Variants in MYO9A observed in about 807,000 individuals in gnomAD.
The protein encoded by MYO9A is myosin IXA, also known as unconventional myosin-IXa.
Under a neutral mutation model 293.3 loss-of-function variants are expected in MYO9A, and 103 were observed. The observed-to-expected ratio is 0.35, with a 90% CI of 0.30 to 0.41. MYO9A has a LOEUF of 0.41. MYO9A is among the 10% of genes least tolerant of loss of function. MYO9A has a pLI of 1.00. For synonymous variants in MYO9A, 1,001 were observed against 1,035.7 expected (o/e 0.97, Z 0.64); for missense variants, 2,685 against 3,033.0 (o/e 0.89, Z 2.69).
At chr15:71,867,524 T>C (rs143230069) in intron 32 of MYO9A, among the ~76,000 whole-genome samples, 2,148 of 149,868 alleles carry the variant, frequency 0.014, 30 homozygotes, top group African/African-American at 0.026. Flanking sequence ...ATGTACAGAG[T>C]TGCTACAAAT....
At chr15:71,839,408 T>TTC (rs1479075299) in intron 39 of MYO9A, among the ~76,000 whole-genome samples, 2 of 151,842 alleles carry the variant, frequency 1.3e-5, no homozygotes, top group Non-Finnish European at 2.9e-5. Context: ...GGTTTTTTTT[T>TTC]TCTTTCTTTC....
rs66924608 is a variant in MYO9A, at chr15:71,935,903, TACACAC to T, written c.2379-425_2379-420del. Among the ~76,000 whole-genome samples, 599 of 148,098 alleles carry T rather than the reference TACACAC, an allele frequency of 4.0e-3. 4 individuals are homozygous for T. The highest frequency in any genetic ancestry group is 0.014 in the African/African-American group (551 of 40,308). ...TAATTTCCTCCTGAAAGGTCTTATT[TACACAC>T]ACACACACACACACACACACACTCA... On this transcript the variant is annotated intron_variant, in intron 16 of 41. Transcript: ENST00000356056.
intron 28 of MYO9A, among the ~76,000 whole-genome samples, chr15:71,883,189 G>A (rs1287707242): frequency 1.3e-5 from 2 of 152,110 alleles, no homozygotes; most frequent in African/African-American, 2.4e-5. Context: ...ACTGTTGTGA[G>A]GAGCAACTGA....
intron 12 of MYO9A, among the ~76,000 whole-genome samples, chr15:71,972,616 G>A (rs2076040687): frequency 1.3e-5 from 2 of 152,180 alleles, no homozygotes; most frequent in African/African-American, 4.8e-5. Flanking sequence ...CAAACGTTTG[G>A]TCACAGATGT....
At chr15:71,989,730 A>G (rs989656627) in intron 11 of MYO9A, among the ~76,000 whole-genome samples, 21 of 152,184 alleles carry the variant, frequency 1.4e-4, no homozygotes, top group African/African-American at 5.1e-4. Context: ...CTTTTTAATC[A>G]AAGGTTCATT....
chr15:71,984,068 G>A lies in MYO9A; in HGVS notation c.1723-5776C>T, dbSNP rs554795967. Among the ~76,000 whole-genome samples the A allele has an allele frequency of 6.6e-5, 10 of 152,270 alleles. No individual in the cohort carries two copies. In the South Asian group the frequency reaches 2.1e-3, roughly 32 times the overall value. ...ACTTACGATGATTCAACTTTACAAT[G>A]GGGTGAAACTGTCATAATTTCTGCA... On this transcript the variant is annotated intron_variant, in intron 11 of 41. Coordinates refer to ENST00000356056, the MANE Select transcript of MYO9A (RefSeq NM_006901.4).
At chr15:72,097,604 G>A (rs963512704) in intron 1 of MYO9A, among the ~76,000 whole-genome samples, 1 of 152,136 alleles carries the variant, frequency 6.6e-6, no homozygotes, top group East Asian at 1.9e-4. Context: ...AAGTATGCCT[G>A]TATATAAACT....
At chr15:71,953,106 T>C (rs11072338) in intron 14 of MYO9A, among the ~76,000 whole-genome samples, 32,136 of 152,178 alleles carry the variant, frequency 0.21, 3,681 homozygotes, top group East Asian at 0.41. Flanking sequence ...TAAAATACTA[T>C]ATTATTTGTA....
intron 37 of MYO9A, 88 bp downstream of exon 37, chr15:71,851,165 T>C: frequency 2.0e-6 from 2 of 994,994 alleles, no homozygotes; most frequent in Non-Finnish European, 3.0e-6. Context: ...TAAATACCTG[T>C]CAGTCTTCCA....
intron 32 of MYO9A, among the ~76,000 whole-genome samples, chr15:71,874,457 G>A (rs928413217): frequency 1.3e-5 from 2 of 152,130 alleles, no homozygotes; most frequent in African/African-American, 4.8e-5. Flanking sequence ...ATGAAGCTTA[G>A]AGAGGCAGTC....
intron 4 of MYO9A, among the ~76,000 whole-genome samples, chr15:72,022,452 C>T (rs1426287564): frequency 6.0e-5 from 9 of 150,838 alleles, no homozygotes; most frequent in South Asian, 2.1e-4. Context: ...ACCCAGGAGG[C>T]GGAGGTTGCA....
intron 38 of MYO9A, among the ~76,000 whole-genome samples, chr15:71,849,760 C>T (rs183183931): frequency 7.2e-4 from 109 of 151,776 alleles, no homozygotes; most frequent in African/African-American, 2.6e-3. Context: ...ACTAAGTGTC[C>T]ATAATTTGGT....
rs2076843862 is a variant in MYO9A at position 72,000,877 on chromosome 15, C to T, written c.1381-937G>A. On this transcript the variant is annotated intron_variant, in intron 8 of 41. Transcript: ENST00000356056. ...AATATACCACAGTGTGTAATCCATTCTCCTCTTTGTAGGCATTTACACGAT... is the reference window on the plus strand; with the variant it reads ...AATATACCACAGTGTGTAATCCATTTTCCTCTTTGTAGGCATTTACACGAT... Among the ~76,000 whole-genome samples the T allele has an allele frequency of 1.3e-5, 2 of 152,206 alleles. 1 individual carries two copies. The highest frequency in any genetic ancestry group is 4.1e-4 in the South Asian group (2 of 4,832).
chr15:72,060,674 C>T (rs1367530198), intron 1 of MYO9A, among the ~76,000 whole-genome samples: 1 of 152,138 alleles, frequency 6.6e-6, no homozygotes, highest in Non-Finnish European at 1.5e-5. Flanking sequence ...ATTGTCCATC[C>T]CAGTGGTTGG....
intron 2 of MYO9A, among the ~76,000 whole-genome samples, chr15:72,043,414 T>C (rs2078286119): frequency 6.6e-6 from 1 of 152,148 alleles, no homozygotes; most frequent in Admixed American, 6.6e-5. Flanking sequence ...TTGAATGTAA[T>C]AGCCAAAAAT....
intron 18 of MYO9A, among the ~76,000 whole-genome samples, chr15:71,923,444 T>C (rs1305473168): frequency 6.6e-6 from 1 of 152,230 alleles, no homozygotes; most frequent in Non-Finnish European, 1.5e-5. Flanking sequence ...CTGAGACTCA[T>C]TCTTCTTCAA....
intron 27 of MYO9A, among the ~76,000 whole-genome samples, chr15:71,886,133 T>G (rs757378646): frequency 8.7e-5 from 13 of 148,934 alleles, no homozygotes; most frequent in Non-Finnish European, 1.6e-4. Context: ...GTTTCTTCAA[T>G]ATAAGGTATT....
chr15:71,892,953 C>T, intron 26 of MYO9A: 6 of 1,242,374 alleles, frequency 4.8e-6, no homozygotes, highest in Admixed American at 3.1e-5. Context: ...TCTTATATTG[C>T]TGTAAAATTA....
Position 71,830,122 on chromosome 15 carries a change from G to A in MYO9A, c.7027C>T (p.Leu2343=), listed in dbSNP as rs1391186419. Residue 2343 remains leucine, a synonymous_variant, in exon 40 of 42, where the codon CTA becomes TTA. Coordinates refer to ENST00000356056, the MANE Select transcript of MYO9A (RefSeq NM_006901.4). ...CTGGATACTCACTTCTCCTTCTGTA[G>A]GTTCTCAATCTGCTCAGTCAGTACT... ...ERVLTEQIEN[L]QKEKEELTFE... 3.1e-6 allele frequency: 5 copies of A among 1,613,906 alleles called. No individual in the cohort carries two copies. Among genetic ancestry groups the A allele is most frequent in the Admixed American group, 1.7e-5 (1 of 59,982 alleles).
Sources: gnomAD v4.1 joint callset for allele counts (sites outside exome capture counted in the v4.1 genomes callset) on GRCh38, gnomAD v4.1.1 for gene constraint, MANE v1.5 for transcripts, NCBI Gene and HGNC (gene_info 2026-07-23, HGNC 2026-07-21) for gene names.